SLA2: variants seen among roughly 807,000 people sequenced by gnomAD.
SLA2 encodes the protein Src like adaptor 2, also known as src-like-adapter 2.
SLA2 carries 22 observed loss-of-function variants against 27.3 expected under a neutral mutation model. The ratio of observed to expected loss-of-function variants is 0.81; its 90% CI spans 0.58 to 1.15. SLA2 has a LOEUF of 1.15. Among genes scored for constraint, SLA2 ranks in the 50% most tolerant of loss-of-function variants. SLA2 has a pLI of 0.00. For missense variants in SLA2, 304 were observed against 322.2 expected, an observed-to-expected ratio of 0.94 and a Z score of 0.43; for synonymous variants, 131 against 137.8, an observed-to-expected ratio of 0.95 and a Z score of 0.34.
intron 1 of SLA2, among the ~76,000 whole-genome samples, chr20:36,642,192 A>AGTCTG: frequency 9.1e-5 from 1 of 10,956 alleles, no homozygotes; most frequent in African/African-American, 3.2e-4. Flanking sequence ...AAAAAAAAAA[A>AGTCTG]AAAAAGGACC....
At chr20:36,624,028 G>C (rs568634275) in intron 5 of SLA2, among the ~76,000 whole-genome samples, 1 of 152,158 alleles carries the variant, frequency 6.6e-6, no homozygotes, top group East Asian at 1.9e-4. Context: ...TCTGGTTGGT[G>C]GTCTCAGGGA....
chr20:36,643,930 C>T (rs1045412165), intron 1 of SLA2, among the ~76,000 whole-genome samples: 2 of 151,874 alleles, frequency 1.3e-5, no homozygotes. Flanking sequence ...GCAGCCTGGG[C>T]GACAGAGCGA....
At chr20:36,617,501 T>C (rs1267749172) in intron 5 of SLA2, among the ~76,000 whole-genome samples, 2 of 127,652 alleles carry the variant, frequency 1.6e-5, no homozygotes, top group African/African-American at 3.1e-5. Flanking sequence ...GCCACTGCAC[T>C]CCAGTCTGGA....
chr20:36,643,937 G>A lies in SLA2; in HGVS notation c.-44+1900C>T, dbSNP rs564190948. The stretch of plus-strand genomic sequence containing the variant: ...ACTGCACTGCAGCCTGGGCGACAGA[G>A]CGAGACTCTGTACCCCCCTCCCGCC... On this transcript the variant is annotated intron_variant, in intron 1 of 7. Transcript: ENST00000262866. Among the ~76,000 whole-genome samples the A allele has an allele frequency of 1.1e-4, 16 of 152,054 alleles. No individual in the cohort carries two copies. In the East Asian group the frequency reaches 3.1e-3, roughly 30 times the overall value.
At chr20:36,614,641 A>G (rs911969475) in intron 6 of SLA2, 3 of 985,306 alleles carry the variant, frequency 3.0e-6, no homozygotes, top group African/African-American at 1.7e-5. Flanking sequence ...CAGTCACTGT[A>G]TGATTTAGGG....
chr20:36,628,533 G>A (rs1420393754), intron 5 of SLA2, among the ~76,000 whole-genome samples: 1 of 152,066 alleles, frequency 6.6e-6, no homozygotes, highest in Non-Finnish European at 1.5e-5. Context: ...ACAGGCATCA[G>A]TGTTGATTTA....
chr20:36,620,521 G>T, intron 5 of SLA2: 1 of 184,370 alleles, frequency 5.4e-6, no homozygotes, highest in Admixed American at 6.1e-5. Flanking sequence ...GTAACTTGAT[G>T]ATCAAGATAT....
intron 1 of SLA2, among the ~76,000 whole-genome samples, chr20:36,643,650 C>T (rs1321876683): frequency 6.6e-6 from 1 of 152,128 alleles, no homozygotes; most frequent in Non-Finnish European, 1.5e-5. Flanking sequence ...ATGTTGTTGA[C>T]ATGGGAATAA....
Position 36,615,374 on chromosome 20 carries a change from C to T in SLA2, c.383G>A (p.Gly128Asp), listed in dbSNP as rs1037969994. 6.2e-7 allele frequency: 1 copy of T among 1,613,538 alleles called. No individual in the cohort carries two copies. The highest frequency in any genetic ancestry group is 1.1e-5 in the South Asian group (1 of 91,052). The part of the protein sequence containing the change: ...FLIRESQTRR[G>D]SYSLSVRLSR... ...GAGGCGGACTGACAGAGAGTAAGAG[C>T]CTGAGGAGAAAGGGGTCCAGGGGTG... The change falls in exon 6 of 8, where the codon GGC becomes GAC. Residue 128 changes from glycine (G) to aspartate (D), a missense_variant and splice_region_variant. By Grantham distance (94) the Gly-to-Asp change is moderately conservative. Coordinates refer to ENST00000262866, the MANE Select transcript of SLA2 (RefSeq NM_032214.4).
chr20:36,625,454 C>T (rs2039327797), intron 5 of SLA2, among the ~76,000 whole-genome samples: 1 of 152,042 alleles, frequency 6.6e-6, no homozygotes, highest in African/African-American at 2.4e-5. Context: ...CGAACTCTGT[C>T]CTCAGGTGAT....
chr20:36,625,096 T>A (rs964067331), intron 5 of SLA2, among the ~76,000 whole-genome samples: 1 of 152,062 alleles, frequency 6.6e-6, no homozygotes, highest in Admixed American at 6.6e-5. Flanking sequence ...AGGTATGAAA[T>A]CATCACACTC....
At chr20:36,637,657 T>C (rs11906314) in intron 2 of SLA2, among the ~76,000 whole-genome samples, 2,316 of 109,340 alleles carry the variant, frequency 0.021, 81 homozygotes, top group African/African-American at 0.071. Flanking sequence ...GAGACAGTCC[T>C]GCTCTGTTGC....
At chr20:36,633,141 G>A (rs899005779) in intron 4 of SLA2, among the ~76,000 whole-genome samples, 1 of 151,706 alleles carries the variant, frequency 6.6e-6, no homozygotes, top group Non-Finnish European at 1.5e-5. Context: ...GCGCAATCAC[G>A]GCTCACTGCA....
chr20:36,614,065 C>T (rs2039175476), intron 7 of SLA2, 79 bp from the exon 8 acceptor site: 2 of 1,577,630 alleles, frequency 1.3e-6, no homozygotes, highest in Admixed American at 1.8e-5. Context: ...TTGCACTGTT[C>T]TCAAAACCCT....
At chr20:36,621,947 T>A (rs2039287372) in intron 5 of SLA2, among the ~76,000 whole-genome samples, 1 of 147,400 alleles carries the variant, frequency 6.8e-6, no homozygotes, top group East Asian at 2.1e-4. Context: ...GCCTGTGACG[T>A]TGAGGCTGCA....
intron 7 of SLA2, 55 bp from the exon 8 acceptor site, chr20:36,614,041 C>A: frequency 6.2e-7 from 1 of 1,602,340 alleles, no homozygotes; most frequent in South Asian, 1.1e-5. Context: ...TCCCTGTACT[C>A]ACTACACACA....
intron 5 of SLA2, among the ~76,000 whole-genome samples, chr20:36,628,688 C>T (rs1271105043): frequency 2.6e-5 from 4 of 151,816 alleles, no homozygotes; most frequent in African/African-American, 9.7e-5. Context: ...TTAGACAACA[C>T]GCACATGCCA....
intron 5 of SLA2, chr20:36,620,367 C>G (rs1043080787): frequency 6.0e-6 from 1 of 167,842 alleles, no homozygotes; most frequent in African/African-American, 2.4e-5. Flanking sequence ...GGCAACAGAG[C>G]TTGACTCTGT....
intron 5 of SLA2, 117 bp from the exon 6 acceptor site, chr20:36,615,491 T>C: frequency 8.8e-7 from 1 of 1,135,510 alleles, no homozygotes; most frequent in South Asian, 1.4e-5. Context: ...GGGAAGTGTC[T>C]GGGGCAGAAG....
Sources: allele counts gnomAD v4.1 joint callset (sites outside exome capture counted in the v4.1 genomes callset), GRCh38; gene constraint gnomAD v4.1.1; transcripts MANE v1.5; gene names NCBI Gene and HGNC (gene_info 2026-07-23, HGNC 2026-07-21).